IMMP2L: variants seen among roughly 807,000 people sequenced by gnomAD.
IMMP2L encodes the protein mitochondrial inner membrane protease subunit 2.
A neutral mutation model predicts 19.3 loss-of-function variants in IMMP2L; 18 were observed. The observed-to-expected ratio is 0.93, with a 90% CI of 0.64 to 1.38. IMMP2L has a LOEUF of 1.38. IMMP2L is among the 40% of genes most tolerant of loss of function. The pLI, the probability that IMMP2L is intolerant of heterozygous loss-of-function variation, is 0.00. For synonymous variants in IMMP2L, 76 were observed against 73.0 expected (o/e 1.04, Z -0.21); for missense variants, 233 against 218.2 (o/e 1.07, Z -0.43).
intron 5 of IMMP2L, among the ~76,000 whole-genome samples, chr7:110,862,995 C>G (rs372835749): frequency 6.6e-6 from 1 of 152,048 alleles, no homozygotes; most frequent in Admixed American, 6.6e-5. Flanking sequence ...CCTGTGGAAA[C>G]TGGGGGATCG....
intron 3 of IMMP2L, among the ~76,000 whole-genome samples, chr7:111,397,851 A>G (rs2131381153): frequency 6.6e-6 from 1 of 152,200 alleles, no homozygotes; most frequent in Admixed American, 6.5e-5. Context: ...TTGACATATA[A>G]GAGACTTTCA....
chr7:110,812,904 C>T (rs963984235), intron 5 of IMMP2L, among the ~76,000 whole-genome samples: 3 of 151,922 alleles, frequency 2.0e-5, no homozygotes, highest in Non-Finnish European at 2.9e-5. Context: ...CAAGCAAATG[C>T]CAAGTCTGTT....
intron 3 of IMMP2L, among the ~76,000 whole-genome samples, chr7:111,205,504 A>C (rs1278488737): frequency 6.6e-6 from 1 of 152,186 alleles, no homozygotes; most frequent in African/African-American, 2.4e-5. Context: ...TGAACGTCAC[A>C]GGACCTTATA....
chr7:111,470,361 A>C (rs1277642193), intron 3 of IMMP2L, among the ~76,000 whole-genome samples: 2,326 of 150,658 alleles, frequency 0.015, 73 homozygotes, highest in African/African-American at 0.054. Context: ...TTGACCCAGC[A>C]ATCCCATTAC....
chr7:111,048,759 G>T (rs1792699704), intron 3 of IMMP2L, among the ~76,000 whole-genome samples: 1 of 152,048 alleles, frequency 6.6e-6, no homozygotes, highest in Non-Finnish European at 1.5e-5. Context: ...AGACAACTTG[G>T]TCAGAGCAGG....
At chr7:111,266,106 T>C (rs1817804070) in intron 3 of IMMP2L, among the ~76,000 whole-genome samples, 1 of 152,212 alleles carries the variant, frequency 6.6e-6, no homozygotes, top group East Asian at 1.9e-4. Context: ...ACTTAGTTTA[T>C]TGTCTGTCTT....
At chr7:111,180,180 C>T (rs1221728055) in intron 3 of IMMP2L, among the ~76,000 whole-genome samples, 1 of 152,024 alleles carries the variant, frequency 6.6e-6, no homozygotes, top group South Asian at 2.1e-4. Context: ...CTAACTGGTA[C>T]AAGAGGCCTA....
chr7:111,364,515 G>A (rs1325304420), intron 3 of IMMP2L, among the ~76,000 whole-genome samples: 1 of 151,482 alleles, frequency 6.6e-6, no homozygotes, highest in Non-Finnish European at 1.5e-5. Context: ...GGATGCTATA[G>A]TCCCAGCTAC....
chr7:110,807,508 C>T (rs921038682), intron 5 of IMMP2L, among the ~76,000 whole-genome samples: 49 of 151,958 alleles, frequency 3.2e-4, no homozygotes, highest in African/African-American at 1.2e-3. Flanking sequence ...CACCCAAACA[C>T]AAAGTCTAAT....
chr7:111,356,543 A>C (rs1828718042), intron 3 of IMMP2L, among the ~76,000 whole-genome samples: 1 of 152,136 alleles, frequency 6.6e-6, no homozygotes, highest in Non-Finnish European at 1.5e-5. Context: ...ATACAGAGGA[A>C]TGACTGCAAC....
At chr7:111,411,488 G>A (rs1465173974) in intron 3 of IMMP2L, 4 of 464,478 alleles carry the variant, frequency 8.6e-6, no homozygotes, top group Non-Finnish European at 1.7e-5. Flanking sequence ...GCACGGCATG[G>A]GCTGTATTGA....
At chr7:111,447,066 C>A (rs1286246384) in intron 3 of IMMP2L, among the ~76,000 whole-genome samples, 1 of 141,698 alleles carries the variant, frequency 7.1e-6, no homozygotes, top group Admixed American at 7.0e-5. Flanking sequence ...GTGAAAAGAC[C>A]AAATCTACGT....
At chr7:111,073,165 A>T (rs2129575555) in intron 3 of IMMP2L, among the ~76,000 whole-genome samples, 1 of 152,320 alleles carries the variant, frequency 6.6e-6, no homozygotes, top group South Asian at 2.1e-4. Flanking sequence ...TCTGCAATGC[A>T]CTTTCAAATA....
chr7:111,275,059 G>C (rs1175645234), intron 3 of IMMP2L, among the ~76,000 whole-genome samples: 3 of 152,084 alleles, frequency 2.0e-5, no homozygotes, highest in African/African-American at 7.2e-5. Flanking sequence ...AATTAAAGTT[G>C]GCAAGTTTCC....
At chr7:111,516,350 G>A (rs74689853) in intron 2 of IMMP2L, among the ~76,000 whole-genome samples, 1 of 151,702 alleles carries the variant, frequency 6.6e-6, no homozygotes, top group Non-Finnish European at 1.5e-5. Context: ...TAAATACAGA[G>A]GGAGAGGAAG....
At chr7:111,151,829 A>C (rs1804104560) in intron 3 of IMMP2L, among the ~76,000 whole-genome samples, 1 of 152,092 alleles carries the variant, frequency 6.6e-6, no homozygotes, top group African/African-American at 2.4e-5. Flanking sequence ...CCAGCTACTC[A>C]GGAGGCTGAG....
intron 4 of IMMP2L, among the ~76,000 whole-genome samples, chr7:110,905,571 T>G (rs1211137261): frequency 2.6e-5 from 4 of 152,064 alleles, no homozygotes; most frequent in African/African-American, 9.7e-5. Context: ...ATAGAACTTA[T>G]CAGGTAAAGA....
At position 111,555,686 on chromosome 7, in the gene IMMP2L, T is replaced by C. The variant is rs1585676916; in HGVS notation, c.-3+6165A>G. On this transcript the variant is annotated intron_variant, in intron 1 of 5. Coordinates refer to ENST00000405709, the MANE Select transcript of IMMP2L (RefSeq NM_032549.4). ...ATTTGGCTTACTTCACTTAGCATAA[T>C]GTCCCCTAGGTTTACCTATCTTATG... 2.0e-5 allele frequency among the ~76,000 whole-genome samples: 3 copies of C among 152,104 alleles called. No homozygotes were observed. In the South Asian group the frequency reaches 6.2e-4, roughly 32 times the overall value.
chr7:110,866,927 C>T (rs1808041802), intron 5 of IMMP2L, among the ~76,000 whole-genome samples: 2 of 152,146 alleles, frequency 1.3e-5, no homozygotes, highest in South Asian at 2.1e-4. Flanking sequence ...TTACCAATTG[C>T]AAACACAGTG....
Sources: allele counts gnomAD v4.1 joint callset (sites outside exome capture counted in the v4.1 genomes callset), GRCh38; gene constraint gnomAD v4.1.1; transcripts MANE v1.5; gene names NCBI Gene and HGNC (gene_info 2026-07-23, HGNC 2026-07-21).